SEZ6L: variants seen among roughly 807,000 people sequenced by gnomAD.
SEZ6L encodes the protein seizure related 6 homolog like, also known as seizure 6-like protein.
SEZ6L carries 37 observed loss-of-function variants against 106.2 expected under a neutral mutation model. The ratio of observed to expected loss-of-function variants is 0.35; its 90% CI spans 0.27 to 0.46. SEZ6L has a LOEUF of 0.46. Among genes scored for constraint, SEZ6L ranks in the 20% least tolerant of loss-of-function variants. The pLI is 1.00. For synonymous variants in SEZ6L, 541 were observed against 570.4 expected (o/e 0.95, Z 0.73); for missense variants, 1,172 against 1,332.8 (o/e 0.88, Z 1.88).
intron 12 of SEZ6L, among the ~76,000 whole-genome samples, chr22:26,361,113 C>A (rs1409967840): frequency 6.6e-6 from 1 of 151,994 alleles, no homozygotes; most frequent in African/African-American, 2.4e-5. Flanking sequence ...ACATGTGAAA[C>A]CTCTGATTAT....
chr22:26,282,019 T>C (rs1281940491), intron 1 of SEZ6L, among the ~76,000 whole-genome samples: 1 of 152,272 alleles, frequency 6.6e-6, no homozygotes, highest in African/African-American at 2.4e-5. Flanking sequence ...ATTTATCTTC[T>C]AGCCTTTTGC....
intron 1 of SEZ6L, among the ~76,000 whole-genome samples, chr22:26,236,819 C>T (rs994481848): frequency 1.3e-5 from 2 of 152,252 alleles, no homozygotes; most frequent in Non-Finnish European, 2.9e-5. Context: ...TGACCATGGC[C>T]TCTGAGCCTC....
chr22:26,181,927 C>A (rs951574395), intron 1 of SEZ6L, among the ~76,000 whole-genome samples: 2 of 152,198 alleles, frequency 1.3e-5, no homozygotes, highest in Non-Finnish European at 2.9e-5. Context: ...TGTGCTAGAA[C>A]ACAGCAAGAG....
Position 26,319,592 on chromosome 22 carries a change from G to T in SEZ6L, c.2015+5690G>T, listed in dbSNP as rs145343550. ...CTGCTGTCTCCCCTGCCATTGGGATGCTCTGCCCCAAATATCTGCAGAGCT... is the reference window on the plus strand; with the variant it reads ...CTGCTGTCTCCCCTGCCATTGGGATTCTCTGCCCCAAATATCTGCAGAGCT... On this transcript the variant is annotated intron_variant, in intron 9 of 16. Transcript: ENST00000248933. Among the ~76,000 whole-genome samples, 39 of 152,268 alleles carry T rather than the reference G, an allele frequency of 2.6e-4. 1 individual carries two copies. The East Asian group carries it at 6.8e-3, about 26-fold the overall frequency.
intron 1 of SEZ6L, 127 bp downstream of exon 1, chr22:26,169,890 C>A: frequency 2.4e-6 from 1 of 419,036 alleles, no homozygotes; most frequent in Non-Finnish European, 4.0e-6. Flanking sequence ...GGTGGCTGTC[C>A]AAAATCGGGG....
intron 1 of SEZ6L, among the ~76,000 whole-genome samples, chr22:26,200,499 C>T (rs1162794503): frequency 6.6e-6 from 1 of 152,188 alleles, no homozygotes; most frequent in Admixed American, 6.5e-5. Flanking sequence ...CAGCCACCTC[C>T]TTCCCAGTAT....
chr22:26,193,998 C>G (rs138120464), intron 1 of SEZ6L, among the ~76,000 whole-genome samples: 1 of 152,126 alleles, frequency 6.6e-6, no homozygotes, highest in African/African-American at 2.4e-5. Flanking sequence ...AGGGATAAGA[C>G]ACAGAAGTCC....
At chr22:26,201,382 CAAA>C (rs71192905) in intron 1 of SEZ6L, among the ~76,000 whole-genome samples, 6 of 75,320 alleles carry the variant, frequency 8.0e-5, no homozygotes, top group East Asian at 4.3e-4. Context: ...TACAAAAATA[CAAA>C]AAAAAAAAAA....
At chr22:26,198,652 A>G (rs1485170344) in intron 1 of SEZ6L, among the ~76,000 whole-genome samples, 2 of 152,228 alleles carry the variant, frequency 1.3e-5, no homozygotes, top group African/African-American at 4.8e-5. Context: ...CTGTTGTTGC[A>G]TCTTCCAGAG....
intron 1 of SEZ6L, among the ~76,000 whole-genome samples, chr22:26,230,279 A>G (rs970341310): frequency 6.6e-6 from 1 of 151,966 alleles, no homozygotes; most frequent in Non-Finnish European, 1.5e-5. Flanking sequence ...GAGGGAGAAA[A>G]AAAGATAACC....
intron 1 of SEZ6L, among the ~76,000 whole-genome samples, chr22:26,248,282 T>C (rs1283478170): frequency 2.0e-5 from 3 of 152,326 alleles, no homozygotes; most frequent in Admixed American, 6.5e-5. Flanking sequence ...TCCTACCTCA[T>C]AGCATTGGAA....
intron 1 of SEZ6L, among the ~76,000 whole-genome samples, chr22:26,187,871 C>G (rs1446851094): frequency 6.6e-6 from 1 of 152,066 alleles, no homozygotes; most frequent in Non-Finnish European, 1.5e-5. Context: ...ACATACCAAG[C>G]TTTTTCCAGC....
chr22:26,276,747 C>A (rs762781082), intron 1 of SEZ6L, among the ~76,000 whole-genome samples: 6 of 152,086 alleles, frequency 3.9e-5, no homozygotes, highest in Admixed American at 6.5e-5. Flanking sequence ...CAAAGCCGTA[C>A]CATGAGATGC....
chr22:26,271,169 T>C (rs1601332630), intron 1 of SEZ6L, among the ~76,000 whole-genome samples: 1 of 152,236 alleles, frequency 6.6e-6, no homozygotes, highest in African/African-American at 2.4e-5. Flanking sequence ...GGATAGGAAC[T>C]ATAGAACAGC....
At chr22:26,198,470 A>G (rs1940720918) in intron 1 of SEZ6L, among the ~76,000 whole-genome samples, 1 of 152,264 alleles carries the variant, frequency 6.6e-6, no homozygotes, top group South Asian at 2.1e-4. Flanking sequence ...GGGGACAACA[A>G]GCATAAAATA....
intron 1 of SEZ6L, among the ~76,000 whole-genome samples, chr22:26,282,970 G>C (rs1312911238): frequency 6.6e-6 from 1 of 152,040 alleles, no homozygotes; most frequent in East Asian, 1.9e-4. Flanking sequence ...GCCCAGGCTG[G>C]AGTACAGTGG....
At chr22:26,269,497 CTGATCTGA>C (rs1428142706) in intron 1 of SEZ6L, among the ~76,000 whole-genome samples, 2,142 of 152,254 alleles carry the variant, frequency 0.014, 59 homozygotes, top group African/African-American at 0.049. Context: ...TCGTTGTTTG[CTGATCTGA>C]GCATTTATTG....
intron 1 of SEZ6L, among the ~76,000 whole-genome samples, chr22:26,246,729 G>A (rs142934318): frequency 3.3e-5 from 5 of 151,992 alleles, no homozygotes; most frequent in Non-Finnish European, 5.9e-5. Flanking sequence ...GTAGCACTGC[G>A]CCTGGAAATG....
At chr22:26,325,080 C>T (rs1285656385) in intron 9 of SEZ6L, among the ~76,000 whole-genome samples, 1 of 152,156 alleles carries the variant, frequency 6.6e-6, no homozygotes, top group Non-Finnish European at 1.5e-5. Flanking sequence ...TGCCTCTCAT[C>T]CTCCAATTGC....
Sources: allele counts gnomAD v4.1 joint callset (sites outside exome capture counted in the v4.1 genomes callset), GRCh38; gene constraint gnomAD v4.1.1; transcripts MANE v1.5; gene names NCBI Gene and HGNC (gene_info 2026-07-23, HGNC 2026-07-21).